EXOC4: variants seen among roughly 807,000 people sequenced by gnomAD.
EXOC4 encodes the protein exocyst complex component 4, also known as SEC8-like 1.
Under a neutral mutation model 107.2 loss-of-function variants are expected in EXOC4, and 71 were observed. The observed-to-expected ratio is 0.66, with a 90% CI of 0.55 to 0.81. The LOEUF (loss-of-function observed/expected upper bound fraction) is 0.81. Ranked by LOEUF, EXOC4 falls within the 30% of genes least tolerant of loss-of-function variation. The pLI, the probability that EXOC4 is intolerant of heterozygous loss-of-function variation, is 0.00. For missense variants in EXOC4, 1,108 were observed against 1,189.6 expected (o/e 0.93, Z 1.01); for synonymous variants, 456 against 441.2 (o/e 1.03, Z -0.42).
intron 15 of EXOC4, among the ~76,000 whole-genome samples, chr7:134,002,045 T>A (rs1286478479): frequency 2.6e-5 from 4 of 152,218 alleles, no homozygotes; most frequent in Non-Finnish European, 5.9e-5. Context: ...TAGTCATGAA[T>A]CCCATTCCAG....
chr7:133,521,149 T>C (rs1799970796), intron 9 of EXOC4, among the ~76,000 whole-genome samples: 1 of 152,214 alleles, frequency 6.6e-6, no homozygotes, highest in African/African-American at 2.4e-5. Flanking sequence ...TTTTATTGTA[T>C]CGAATACACT....
chr7:133,447,189 A>T (rs866152457), intron 7 of EXOC4: 5 of 152,228 alleles, frequency 3.3e-5, no homozygotes, highest in African/African-American at 1.2e-4. Context: ...GTTCTATAAA[A>T]TACATCATTT....
At chr7:133,485,079 C>CAAAAAAAAAAA (rs1491252321) in intron 9 of EXOC4, among the ~76,000 whole-genome samples, 1 of 27,884 alleles carries the variant, frequency 3.6e-5, no homozygotes, top group African/African-American at 1.1e-4. Context: ...GACTCCGTCT[C>CAAAAAAAAAAA]AAAAAATAAA....
intron 10 of EXOC4, among the ~76,000 whole-genome samples, chr7:133,649,460 A>ATTT: frequency 2.6e-4 from 1 of 3,818 alleles, no homozygotes; most frequent in African/African-American, 4.3e-4. Context: ...AAGCATTACT[A>ATTT]CTTTTTCTTT....
intron 11 of EXOC4, among the ~76,000 whole-genome samples, chr7:133,849,439 A>G (rs1798198067): frequency 6.6e-6 from 1 of 152,226 alleles, no homozygotes; most frequent in South Asian, 2.1e-4. Flanking sequence ...AAATAAAAAA[A>G]GAGCTTAAGG....
At chr7:133,714,530 TAATAA>T (rs1387749585) in intron 10 of EXOC4, among the ~76,000 whole-genome samples, 1 of 152,182 alleles carries the variant, frequency 6.6e-6, no homozygotes, top group Non-Finnish European at 1.5e-5. Context: ...TGTCATAATA[TAATAA>T]AAGTAACAAT....
chr7:133,810,942 C>T (rs1797213396), intron 10 of EXOC4, among the ~76,000 whole-genome samples: 1 of 152,058 alleles, frequency 6.6e-6, no homozygotes, highest in African/African-American at 2.4e-5. Context: ...CAGATCCATG[C>T]TTTAAACATT....
intron 10 of EXOC4, among the ~76,000 whole-genome samples, chr7:133,790,068 C>CTCGTA (rs1386058483): frequency 1.3e-5 from 2 of 152,186 alleles, no homozygotes; most frequent in Non-Finnish European, 2.9e-5. Context: ...TGCTTCCAGC[C>CTCGTA]TCGTAAATAA....
At chr7:133,843,279 T>C (rs1187624957) in intron 11 of EXOC4, among the ~76,000 whole-genome samples, 1 of 152,184 alleles carries the variant, frequency 6.6e-6, no homozygotes, top group Non-Finnish European at 1.5e-5. Flanking sequence ...CTTTCAACAA[T>C]ATTGTTTTTT....
intron 7 of EXOC4, among the ~76,000 whole-genome samples, chr7:133,425,280 A>G (rs765513054): frequency 6.6e-6 from 1 of 152,124 alleles, no homozygotes; most frequent in Non-Finnish European, 1.5e-5. Flanking sequence ...CTCCTCAGCC[A>G]AGACACTTTT....
intron 5 of EXOC4, among the ~76,000 whole-genome samples, chr7:133,331,807 CAA>C (rs1346949720): frequency 6.6e-6 from 1 of 152,076 alleles, no homozygotes; most frequent in Non-Finnish European, 1.5e-5. Flanking sequence ...CAGGTTCAAC[CAA>C]GATGATAATT....
At chr7:133,811,212 G>A (rs1376430949) in intron 10 of EXOC4, among the ~76,000 whole-genome samples, 1 of 152,080 alleles carries the variant, frequency 6.6e-6, no homozygotes, top group East Asian at 1.9e-4. Context: ...AGTACTTCAC[G>A]AGATTAAATA....
At chr7:133,584,940 A>G (rs1801367326) in intron 9 of EXOC4, among the ~76,000 whole-genome samples, 1 of 151,996 alleles carries the variant, frequency 6.6e-6, no homozygotes, top group Non-Finnish European at 1.5e-5. Context: ...GAGTTCTGTG[A>G]AAAAAAAGTT....
intron 9 of EXOC4, among the ~76,000 whole-genome samples, chr7:133,590,235 T>A (rs972451758): frequency 6.6e-6 from 1 of 152,154 alleles, no homozygotes; most frequent in African/African-American, 2.4e-5. Flanking sequence ...TGTCTATCAA[T>A]TTCACCACTC....
At chr7:133,267,922 T>C (rs956720942) in intron 1 of EXOC4, among the ~76,000 whole-genome samples, 1 of 152,112 alleles carries the variant, frequency 6.6e-6, no homozygotes, top group African/African-American at 2.4e-5. Flanking sequence ...TGTAAGAATA[T>C]AGAGAAAAGG....
chr7:134,011,415 T>C (rs1794759835), intron 17 of EXOC4, among the ~76,000 whole-genome samples: 1 of 152,200 alleles, frequency 6.6e-6, no homozygotes, highest in African/African-American at 2.4e-5. Context: ...TCTTCAGCTG[T>C]CTCTTTTTTC....
chr7:133,607,541 C>T (rs1801977505), intron 9 of EXOC4, among the ~76,000 whole-genome samples: 1 of 152,174 alleles, frequency 6.6e-6, no homozygotes, highest in African/African-American at 2.4e-5. Flanking sequence ...TTCCCAGCAT[C>T]AAGCTCCAAT....
chr7:133,769,540 A>G (rs966523997), intron 10 of EXOC4, among the ~76,000 whole-genome samples: 1 of 151,864 alleles, frequency 6.6e-6, no homozygotes, highest in African/African-American at 2.4e-5. Flanking sequence ...GCCTTGAGCC[A>G]TGTAGCACAC....
chr7:133,661,611 A>G (rs1456078110), intron 10 of EXOC4, among the ~76,000 whole-genome samples: 2 of 134,990 alleles, frequency 1.5e-5, no homozygotes, highest in African/African-American at 2.7e-5. Flanking sequence ...TTGTCTCTGT[A>G]TGGAGGAGCT....
Sources: gnomAD v4.1 joint callset for allele counts (sites outside exome capture counted in the v4.1 genomes callset) on GRCh38, gnomAD v4.1.1 for gene constraint, MANE v1.5 for transcripts, NCBI Gene and HGNC (gene_info 2026-07-23, HGNC 2026-07-21) for gene names.